Variants in PHF24 observed in about 807,000 individuals in gnomAD.
The protein encoded by PHF24 is Galpha inhibitory interacting protein.
In PHF24, 25 loss-of-function variants were observed where a neutral mutation model predicts 42.6. The ratio of observed to expected loss-of-function variants is 0.59; its 90% CI spans 0.43 to 0.82. The LOEUF (loss-of-function observed/expected upper bound fraction) is 0.82. Ranked by LOEUF, PHF24 falls within the 40% of genes least tolerant of loss-of-function variation. PHF24 has a pLI of 0.00. For missense variants in PHF24, 470 were observed against 538.1 expected, an observed-to-expected ratio of 0.87 and a Z score of 1.25; for synonymous variants, 185 against 204.8, an observed-to-expected ratio of 0.90 and a Z score of 0.83.
chr9:34,923,952 T>G, the PHF24 span, among the ~76,000 whole-genome samples: 1 of 152,118 alleles, frequency 6.6e-6, no homozygotes, highest in African/African-American at 2.4e-5. Context: ...TGCTATAAAT[T>G]TTCCTCTTAG....
At chr9:34,782,629 A>G in the PHF24 span, among the ~76,000 whole-genome samples, 2 of 152,138 alleles carry the variant, frequency 1.3e-5, no homozygotes, top group African/African-American at 4.8e-5. Context: ...GACTACTCCA[A>G]TCCCTGAGGC....
At chr9:34,793,781 T>C in the PHF24 span, among the ~76,000 whole-genome samples, 1 of 137,930 alleles carries the variant, frequency 7.3e-6, no homozygotes, top group Non-Finnish European at 1.6e-5. Context: ...TCTGTTTCTT[T>C]TTTTTTTTTT....
At chr9:34,798,046 GA>G in the PHF24 span, among the ~76,000 whole-genome samples, 9 of 152,200 alleles carry the variant, frequency 5.9e-5, no homozygotes, top group African/African-American at 2.2e-4. Flanking sequence ...AGGGGGTAGA[GA>G]AAAGGTGTGA....
the PHF24 span, among the ~76,000 whole-genome samples, chr9:34,883,875 A>G: frequency 6.6e-6 from 1 of 152,254 alleles, no homozygotes; most frequent in African/African-American, 2.4e-5. Context: ...GTATATACCC[A>G]AAGGATTATA....
chr9:34,973,459 G>A (rs146130799), intron 3 of PHF24, among the ~76,000 whole-genome samples: 1 of 152,348 alleles, frequency 6.6e-6, no homozygotes, highest in East Asian at 1.9e-4. Flanking sequence ...GAAGGACAGA[G>A]TCTAAGGTTT....
chr9:34,827,293 G>A, the PHF24 span, among the ~76,000 whole-genome samples: 46 of 152,326 alleles, frequency 3.0e-4, 1 homozygote, highest in African/African-American at 1.1e-3. Flanking sequence ...CAGGGAGGAT[G>A]TGCCTGTCAC....
the PHF24 span, among the ~76,000 whole-genome samples, chr9:34,839,079 C>T: frequency 6.4e-4 from 97 of 152,220 alleles, no homozygotes; most frequent in African/African-American, 2.0e-3. Flanking sequence ...CCAAGGTGGC[C>T]GTATCTATCC....
At chr9:34,764,701 A>G in the PHF24 span, among the ~76,000 whole-genome samples, 2 of 151,698 alleles carry the variant, frequency 1.3e-5, no homozygotes, top group Non-Finnish European at 2.9e-5. Context: ...TATTTCCTTC[A>G]GTTCTGCTCT....
At chr9:34,768,790 A>G in the PHF24 span, among the ~76,000 whole-genome samples, 1 of 152,186 alleles carries the variant, frequency 6.6e-6, no homozygotes, top group Non-Finnish European at 1.5e-5. Context: ...AAAGCATTAA[A>G]AAATGGTAAA....
At chr9:34,948,220 T>C in the PHF24 span, among the ~76,000 whole-genome samples, 3 of 146,404 alleles carry the variant, frequency 2.0e-5, no homozygotes, top group South Asian at 2.1e-4. Context: ...TAAATGTTAT[T>C]ACAAGAGTAA....
the PHF24 span, among the ~76,000 whole-genome samples, chr9:34,907,136 A>ATCTGT: frequency 3.3e-5 from 5 of 152,070 alleles, no homozygotes; most frequent in African/African-American, 9.7e-5. Context: ...CAGATTTTTC[A>ATCTGT]TCTGTTCTGC....
the PHF24 span, among the ~76,000 whole-genome samples, chr9:34,733,669 T>C: frequency 6.6e-6 from 1 of 151,980 alleles, no homozygotes; most frequent in African/African-American, 2.4e-5. Context: ...CCTGGCTAAT[T>C]TTTATTTTTA....
chr9:34,978,670 T>C (rs956412694), exon 8 of PHF24: 6 of 153,336 alleles, frequency 3.9e-5, no homozygotes, highest in African/African-American at 1.4e-4. Context: ...CAGCTGCTGT[T>C]ACTAGTAGGT....
chr9:34,848,616 T>C, the PHF24 span, among the ~76,000 whole-genome samples: 2 of 151,814 alleles, frequency 1.3e-5, no homozygotes, highest in Admixed American at 6.6e-5. Context: ...TCTGCTCTGA[T>C]TTTAGTTATT....
At chr9:34,881,664 G>A in the PHF24 span, among the ~76,000 whole-genome samples, 1 of 152,152 alleles carries the variant, frequency 6.6e-6, no homozygotes, top group Non-Finnish European at 1.5e-5. Context: ...AAACCAGGAA[G>A]AAGTTGAATC....
chr9:34,936,216 G>A, the PHF24 span, among the ~76,000 whole-genome samples: 4 of 152,298 alleles, frequency 2.6e-5, no homozygotes, highest in African/African-American at 9.6e-5. Flanking sequence ...TTGCAGGCGC[G>A]CGCCGCCACG....
chr9:34,948,577 C>T, the PHF24 span, among the ~76,000 whole-genome samples: 1 of 152,222 alleles, frequency 6.6e-6, no homozygotes, highest in Admixed American at 6.5e-5. Flanking sequence ...CTGCAGTATT[C>T]AGTACACTAA....
the PHF24 span, among the ~76,000 whole-genome samples, chr9:34,739,666 C>T: frequency 3.9e-5 from 6 of 152,088 alleles, no homozygotes; most frequent in Admixed American, 6.5e-5. Context: ...CAGACCTTCG[C>T]GGTGAGTGTT....
At chr9:34,783,355 T>C in the PHF24 span, among the ~76,000 whole-genome samples, 5 of 152,308 alleles carry the variant, frequency 3.3e-5, no homozygotes, top group East Asian at 9.6e-4. Flanking sequence ...ACTGAAACCA[T>C]TTACTCCTAC....
Sources: allele counts gnomAD v4.1 joint callset (sites outside exome capture counted in the v4.1 genomes callset), GRCh38; gene constraint gnomAD v4.1.1; transcripts MANE v1.5; gene names NCBI Gene and HGNC (gene_info 2026-07-23, HGNC 2026-07-21).